The following XPR1 variants were observed in gnomAD, a reference collection of about 807,000 sequenced individuals.
XPR1 encodes solute carrier family 53 member 1.
Under a neutral mutation model 87.5 loss-of-function variants are expected in XPR1, and 28 were observed. That is an observed-to-expected ratio of 0.32 (90% CI 0.24 to 0.44). The LOEUF (loss-of-function observed/expected upper bound fraction) is 0.44. Among genes scored for constraint, XPR1 ranks in the 20% least tolerant of loss-of-function variants. The probability of loss-of-function intolerance (pLI) is 1.00; values close to 1 mark genes in which losing one functional copy is unlikely to be tolerated. For synonymous variants in XPR1, 300 were observed against 306.1 expected, an observed-to-expected ratio of 0.98 and a Z score of 0.21; for missense variants, 559 against 862.3, an observed-to-expected ratio of 0.65 and a Z score of 4.41.
intron 9 of XPR1, among the ~76,000 whole-genome samples, chr1:180,825,803 C>T (rs1016218944): frequency 7.2e-5 from 11 of 152,220 alleles, no homozygotes; most frequent in African/African-American, 2.7e-4. Context: ...GTAATCCTAG[C>T]ACTTTAGGAA....
chr1:180,846,556 C>T (rs1558036807), intron 11 of XPR1, among the ~76,000 whole-genome samples: 1 of 151,820 alleles, frequency 6.6e-6, no homozygotes, highest in Non-Finnish European at 1.5e-5. Flanking sequence ...ATTCTCCTGC[C>T]TCAGCCTCCT....
chr1:180,744,834 G>GTA (rs1557985778), intron 2 of XPR1, among the ~76,000 whole-genome samples: 3 of 151,602 alleles, frequency 2.0e-5, no homozygotes, highest in African/African-American at 7.3e-5. Context: ...TGTATTTTTA[G>GTA]TAGAGACGGG....
chr1:180,756,328 A>G (rs753484028), intron 2 of XPR1, among the ~76,000 whole-genome samples: 1 of 152,248 alleles, frequency 6.6e-6, no homozygotes, highest in Non-Finnish European at 1.5e-5. Flanking sequence ...AATTATAGCC[A>G]TCCTGGAGGA....
At chr1:180,824,982 T>G (rs749535814) in intron 8 of XPR1, 39 bp downstream of exon 8, 1 of 1,593,600 alleles carries the variant, frequency 6.3e-7, no homozygotes, top group South Asian at 1.1e-5. Flanking sequence ...GAATATAGTT[T>G]GCATTAGCTA....
intron 2 of XPR1, among the ~76,000 whole-genome samples, chr1:180,726,132 C>T (rs115822506): frequency 2.0e-5 from 3 of 152,002 alleles, no homozygotes; most frequent in Non-Finnish European, 4.4e-5. Context: ...TGTAAATGCA[C>T]GAATCAGCCC....
intron 11 of XPR1, among the ~76,000 whole-genome samples, chr1:180,858,986 CATA>C (rs1405473601): frequency 1.3e-4 from 1 of 7,818 alleles, no homozygotes. Context: ...TAAACTCAGT[CATA>C]ATTCAGTTTA....
chr1:180,769,455 TTCTCTC>T (rs113535211), intron 2 of XPR1, among the ~76,000 whole-genome samples: 40 of 118,722 alleles, frequency 3.4e-4, no homozygotes, highest in Admixed American at 1.4e-3. Context: ...TAACCATCCT[TTCTCTC>T]TCTCTCTCTC....
chr1:180,681,340 T>C (rs935570281), intron 1 of XPR1, among the ~76,000 whole-genome samples: 14 of 152,296 alleles, frequency 9.2e-5, no homozygotes, highest in African/African-American at 3.4e-4. Flanking sequence ...CAGTTATTAT[T>C]TGTGGATTAA....
chr1:180,783,416 C>T (rs990864208), intron 2 of XPR1, among the ~76,000 whole-genome samples: 1 of 151,914 alleles, frequency 6.6e-6, no homozygotes, highest in Admixed American at 6.6e-5. Flanking sequence ...AATACCTTTT[C>T]ATTTTGATGG....
intron 2 of XPR1, among the ~76,000 whole-genome samples, chr1:180,746,967 A>G (rs1411682800): frequency 1.3e-5 from 2 of 152,146 alleles, no homozygotes; most frequent in Non-Finnish European, 2.9e-5. Context: ...CACCATTAAA[A>G]TCCTCTTTGT....
intron 3 of XPR1, among the ~76,000 whole-genome samples, chr1:180,798,288 T>C (rs996350669): frequency 6.6e-6 from 1 of 152,076 alleles, no homozygotes; most frequent in Non-Finnish European, 1.5e-5. Flanking sequence ...AATGAAAATA[T>C]AATCACGGAA....
intron 2 of XPR1, among the ~76,000 whole-genome samples, chr1:180,725,701 C>T (rs1658315420): frequency 6.6e-6 from 1 of 152,204 alleles, no homozygotes; most frequent in Admixed American, 6.5e-5. Flanking sequence ...TATACTATCT[C>T]TCATTTTAAC....
At chr1:180,636,020 A>G (rs1254232612) in intron 1 of XPR1, among the ~76,000 whole-genome samples, 1 of 152,212 alleles carries the variant, frequency 6.6e-6, no homozygotes, top group Non-Finnish European at 1.5e-5. Context: ...AACCCAGTGA[A>G]ACTCTCTTAT....
At chr1:180,853,791 G>GTTTTT (rs374408714) in intron 11 of XPR1, among the ~76,000 whole-genome samples, 5 of 109,446 alleles carry the variant, frequency 4.6e-5, no homozygotes, top group African/African-American at 6.9e-5. Flanking sequence ...CATTCATGTG[G>GTTTTT]TTTTTTTTTT....
At chr1:180,842,764 T>C (rs1255092298) in intron 11 of XPR1, among the ~76,000 whole-genome samples, 1 of 152,222 alleles carries the variant, frequency 6.6e-6, no homozygotes, top group Non-Finnish European at 1.5e-5. Context: ...AGGGAAAGCA[T>C]TTCATTAGAT....
intron 2 of XPR1, among the ~76,000 whole-genome samples, chr1:180,690,116 A>G (rs1201059660): frequency 1.3e-5 from 2 of 151,790 alleles, no homozygotes; most frequent in Non-Finnish European, 2.9e-5. Context: ...AGATTGTGCC[A>G]CTGCTCTCTG....
chr1:180,841,076 T>C (rs950475153), intron 11 of XPR1, among the ~76,000 whole-genome samples: 2 of 152,170 alleles, frequency 1.3e-5, no homozygotes, highest in African/African-American at 4.8e-5. Flanking sequence ...GTTTTAGACA[T>C]GGCTTAAAAT....
chr1:180,733,087 C>T (rs543737981), intron 2 of XPR1, among the ~76,000 whole-genome samples: 1 of 152,330 alleles, frequency 6.6e-6, no homozygotes, highest in South Asian at 2.1e-4. Context: ...CTGTGTGTTC[C>T]TTCACTGATG....
chr1:180,751,388 C>T (rs1202268618), intron 2 of XPR1, among the ~76,000 whole-genome samples: 1 of 151,874 alleles, frequency 6.6e-6, no homozygotes, highest in Non-Finnish European at 1.5e-5. Flanking sequence ...TCTAATAAAG[C>T]CAGTTATTCA....
Sources: gnomAD v4.1 joint callset for allele counts (sites outside exome capture counted in the v4.1 genomes callset) on GRCh38, gnomAD v4.1.1 for gene constraint, MANE v1.5 for transcripts, NCBI Gene and HGNC (gene_info 2026-07-23, HGNC 2026-07-21) for gene names.